The following SH3BP4 variants were observed in gnomAD, a reference collection of about 807,000 sequenced individuals.
The protein encoded by SH3BP4 is SH3 domain binding protein 4, also known as SH3 domain-binding protein 4.
SH3BP4 carries 33 observed loss-of-function variants against 65.5 expected under a neutral mutation model. The ratio of observed to expected loss-of-function variants is 0.50; its 90% confidence interval spans 0.38 to 0.67. SH3BP4 has a LOEUF of 0.67. Ranked by LOEUF, SH3BP4 falls within the 30% of genes least tolerant of loss-of-function variation. SH3BP4 has a pLI of 0.00. For missense variants in SH3BP4, 1,134 were observed against 1,261.4 expected (o/e 0.90, Z 1.53); for synonymous variants, 552 against 545.5 (o/e 1.01, Z -0.17).
chr2:235,034,853 TTCC>T lies in SH3BP4; in HGVS notation c.-132-12_-132-10del. On this transcript the variant is annotated splice_polypyrimidine_tract_variant and intron_variant, in intron 2 of 5. Transcript: ENST00000392011. The surrounding 1 kb of genome is among the most constrained non-coding windows in gnomAD (Gnocchi z 6.2). ...TTCGCTTGCTTAAGGGACTTTTTTG[TTCC>T]TCCTCTACTTTCAGGAAGAAACATA... The T allele has an allele frequency of 1.6e-6, 1 of 631,936 alleles. No homozygotes were observed. Among genetic ancestry groups the T allele is most frequent in the Non-Finnish European group, 2.8e-6 (1 of 363,218 alleles). The allele number at this position is 631,936 out of a possible 1,614,324, so 39.1% of individuals were successfully genotyped here.
At chr2:234,984,844 G>A (rs1211704733) in intron 1 of SH3BP4, among the ~76,000 whole-genome samples, 3 of 148,402 alleles carry the variant, frequency 2.0e-5, no homozygotes, top group Non-Finnish European at 4.5e-5. Context: ...GGTCCCAGCA[G>A]TCCATCCAAA....
At chr2:235,005,568 T>C (rs1694267969) in intron 2 of SH3BP4, among the ~76,000 whole-genome samples, 1 of 152,112 alleles carries the variant, frequency 6.6e-6, no homozygotes, top group African/African-American at 2.4e-5. Flanking sequence ...TTTTAACAAA[T>C]CTTCCCCTGA....
At chr2:235,010,631 G>A (rs1240398083) in intron 2 of SH3BP4, among the ~76,000 whole-genome samples, 1 of 152,202 alleles carries the variant, frequency 6.6e-6, no homozygotes, top group Non-Finnish European at 1.5e-5. Context: ...CAAGGACTGC[G>A]TGCCTTAAAG....
chr2:235,035,032 C>T lies in SH3BP4; in HGVS notation c.30C>T (p.Asn10=), dbSNP rs1422768380. Reference sequence around the variant, plus strand: ...CGGCTCAGCGGATCCGAGCGGCCAACTCCAATGGCCTCCCTCGCTGCAAGT... The same window carrying T: ...CGGCTCAGCGGATCCGAGCGGCCAATTCCAATGGCCTCCCTCGCTGCAAGT... The part of the protein sequence containing the change: MAAQRIRAA[N]SNGLPRCKSE... The change falls in exon 3 of 6, where the codon AAC becomes AAT. Residue 10 remains asparagine (N), a synonymous_variant. Transcript: ENST00000392011. The surrounding 1 kb of genome is among the most constrained non-coding windows in gnomAD (Gnocchi z 5.0). 1 of 1,614,168 alleles carries T rather than the reference C, an allele frequency of 6.2e-7. No homozygotes were observed. Among genetic ancestry groups the T allele is most frequent in the Admixed American group, 1.7e-5 (1 of 60,024 alleles).
chr2:234,965,461 C>T (rs1692812719), intron 1 of SH3BP4, among the ~76,000 whole-genome samples: 1 of 152,246 alleles, frequency 6.6e-6, no homozygotes. Flanking sequence ...CCCACATTAA[C>T]CTGGCTAATC....
chr2:235,011,237 T>C (rs1694494645), intron 2 of SH3BP4, among the ~76,000 whole-genome samples: 1 of 148,992 alleles, frequency 6.7e-6, no homozygotes. Context: ...AGGAGAACCC[T>C]TCCTCTCTCT....
At chr2:234,954,159 T>TTTA (rs1316521659) in intron 1 of SH3BP4, among the ~76,000 whole-genome samples, 1 of 152,086 alleles carries the variant, frequency 6.6e-6, no homozygotes, top group African/African-American at 2.4e-5. Flanking sequence ...TTCTGTGAGC[T>TTTA]TTATTATTAT....
intron 2 of SH3BP4, among the ~76,000 whole-genome samples, chr2:235,015,463 A>G (rs1014025956): frequency 3.3e-5 from 5 of 152,294 alleles, no homozygotes; most frequent in African/African-American, 1.2e-4. Context: ...GGGGACAGTG[A>G]GGCACAGAGG....
intron 3 of SH3BP4, among the ~76,000 whole-genome samples, chr2:235,038,366 A>AATAT (rs1231135377): frequency 5.0e-5 from 2 of 39,678 alleles, no homozygotes; most frequent in South Asian, 8.0e-4. Flanking sequence ...ATATATATAT[A>AATAT]ATATATATAC....
rs1352482583 is a variant in SH3BP4, at chr2:235,055,586, C to T, written c.*1770C>T. 1.3e-5 allele frequency: 2 copies of T among 152,588 alleles called. No individual in the cohort carries two copies. The highest frequency in any genetic ancestry group is 2.1e-4 in the South Asian group (1 of 4,826). The allele number at this position is 152,588 out of a possible 1,614,324, so 9.5% of individuals were successfully genotyped here. ...GGGCTTTAAATAGTTTCCTATGCAA[C>T]GTGTCTTGTAGCACAAATAAAATTC... On this transcript the variant is annotated 3_prime_UTR_variant, in exon 6 of 6. Coordinates refer to ENST00000392011, the MANE Select transcript of SH3BP4 (RefSeq NM_014521.3).
chr2:235,033,980 G>A lies in SH3BP4; in HGVS notation c.-132-891G>A, dbSNP rs1287974728. On this transcript the variant is annotated intron_variant, in intron 2 of 5. Transcript: ENST00000392011. The surrounding 1 kb of genome is among the most constrained non-coding windows in gnomAD (Gnocchi z 5.7). ...CCTGCTCAGAGCTCTAAGTACTGTG[G>A]CCAGCTGTGAAAGTGTCTGCCAGTT... Among the ~76,000 whole-genome samples the A allele has an allele frequency of 6.6e-6, 1 of 152,072 alleles. No homozygotes were observed. The highest frequency in any genetic ancestry group is 2.4e-5 in the African/African-American group (1 of 41,396).
intron 4 of SH3BP4, among the ~76,000 whole-genome samples, chr2:235,044,334 C>G (rs900624269): frequency 6.6e-6 from 1 of 152,266 alleles, no homozygotes; most frequent in Non-Finnish European, 1.5e-5. Flanking sequence ...TTGCTCAACG[C>G]TTTCTTAGCA....
chr2:235,001,718 G>A (rs1164197771), intron 2 of SH3BP4, among the ~76,000 whole-genome samples: 3 of 152,166 alleles, frequency 2.0e-5, no homozygotes, highest in African/African-American at 4.8e-5. Context: ...GGCCGCATCC[G>A]GGAAGCCTGT....
rs1695806853 is a variant in SH3BP4, at chr2:235,045,094, C to G, written c.2478+1847C>G. On this transcript the variant is annotated intron_variant, in intron 4 of 5. Transcript: ENST00000392011. This position sits in a 1 kb window ranked among gnomAD's most constrained non-coding sequence, Gnocchi z 4.3. ...GTGATTCAGAGCACACCTCCTGGCT[C>G]TCCAGAACCTGGTGCCGGGCCGTGG... 6.6e-6 allele frequency among the ~76,000 whole-genome samples: 1 copy of G among 152,214 alleles called. No individual in the cohort carries two copies. The highest frequency in any genetic ancestry group is 1.5e-5 in the Non-Finnish European group (1 of 68,036).
rs2106334926 is a variant in SH3BP4, at chr2:235,042,450, G to A, written c.1681G>A (p.Gly561Arg). The A allele has an allele frequency of 1.2e-6, 2 of 1,614,156 alleles. No homozygotes were observed. Among genetic ancestry groups the A allele is most frequent in the Non-Finnish European group, 1.7e-6 (2 of 1,180,028 alleles). The part of the protein sequence containing the change: ...KASEQAKVVR[G>R]FQLKLGKVSR... ...CAGCGAGCAGGCCAAAGTGGTGCGAGGATTCCAGCTGAAGCTGGGCAAGGT... is the reference window on the plus strand; with the variant it reads ...CAGCGAGCAGGCCAAAGTGGTGCGAAGATTCCAGCTGAAGCTGGGCAAGGT... Residue 561 changes from glycine (G) to arginine (R), a missense_variant, in exon 4 of 6, where the codon GGA (glycine) becomes AGA (arginine). Physicochemically the swap from Gly to Arg is moderately radical, Grantham distance 125 (BLOSUM62 -2). Coordinates refer to ENST00000392011, the MANE Select transcript of SH3BP4 (RefSeq NM_014521.3). This position sits in a 1 kb window ranked among gnomAD's most constrained non-coding sequence, Gnocchi z 7.3.
intron 1 of SH3BP4, among the ~76,000 whole-genome samples, chr2:234,960,925 A>G (rs925972310): frequency 4.6e-5 from 7 of 152,216 alleles, no homozygotes; most frequent in Non-Finnish European, 8.8e-5. Flanking sequence ...TCAGGGAACA[A>G]TAGCTGGAAT....
At chr2:234,980,205 G>A (rs1261773811) in intron 1 of SH3BP4, among the ~76,000 whole-genome samples, 1 of 152,144 alleles carries the variant, frequency 6.6e-6, no homozygotes, top group Admixed American at 6.5e-5. Flanking sequence ...CCCAGAAGGT[G>A]CCTGAAACTT....
At chr2:235,043,830 GGCTTGAAGTGT>G (rs1329192914) in intron 4 of SH3BP4, among the ~76,000 whole-genome samples, 1 of 152,290 alleles carries the variant, frequency 6.6e-6, no homozygotes, top group East Asian at 1.9e-4. Flanking sequence ...ATACGTGTGG[GGCTTGAAGTGT>G]GCTTGAAGTG....
At chr2:235,051,662 C>T (rs778913009) in intron 4 of SH3BP4, among the ~76,000 whole-genome samples, 22 of 151,990 alleles carry the variant, frequency 1.4e-4, no homozygotes, top group African/African-American at 3.1e-4. Flanking sequence ...TCCTGGTCAC[C>T]GTGGTTCTTG....
Sources: gnomAD v4.1 joint callset for allele counts (sites outside exome capture counted in the v4.1 genomes callset) on GRCh38, gnomAD v4.1.1 for gene constraint, Gnocchi (gnomAD v3.1) non-coding constraint, MANE v1.5 for transcripts, NCBI Gene and HGNC (gene_info 2026-07-23, HGNC 2026-07-21) for gene names.